PAQR9: variants seen among roughly 807,000 people sequenced by gnomAD.
PAQR9 encodes the protein progestin and adipoQ receptor family member 9.
A neutral mutation model predicts 24.0 loss-of-function variants in PAQR9; 12 were observed. The observed-to-expected ratio is 0.50, with a 90% confidence interval of 0.32 to 0.81. The LOEUF (loss-of-function observed/expected upper bound fraction) is 0.81, where lower values mean the gene tolerates loss of function less well. PAQR9 is among the 30% of genes least tolerant of loss of function. The pLI is 0.03. For synonymous variants in PAQR9, 266 were observed against 237.6 expected, an observed-to-expected ratio of 1.12 and a Z score of -1.10; for missense variants, 418 against 520.8, an observed-to-expected ratio of 0.80 and a Z score of 1.92.
Position 142,961,737 on chromosome 3 carries a change from C to A in PAQR9, c.*466G>T. The stretch of plus-strand genomic sequence containing the variant: ...GGGTTTGCGTCTTTGTGCCTGTTTC[C>A]TACAAAGCTCCATTCTTTTGACAAA... On this transcript the variant is annotated 3_prime_UTR_variant, in exon 1 of 1. Transcript: ENST00000340634. 6.2e-6 allele frequency: 1 copy of A among 161,790 alleles called. No homozygotes were observed. The highest frequency in any genetic ancestry group is 5.7e-5 in the Admixed American group (1 of 17,470). The allele number at this position is 161,790 out of a possible 1,614,324, so 10.0% of individuals were successfully genotyped here.
At chr3:142,963,774 G>A (rs1051049280), upstream of PAQR9, 12 of 970,336 alleles carry the variant, frequency 1.2e-5, no homozygotes, top group Admixed American at 2.5e-4. Flanking sequence ...GCGCACCGAG[G>A]AAGGGCGGGG....
downstream of PAQR9, chr3:142,952,656 G>A (rs1047488161): frequency 1.9e-5 from 8 of 415,114 alleles, no homozygotes; most frequent in African/African-American, 1.6e-4. Flanking sequence ...GAGTTACTTT[G>A]TTTGGCCCCA....
chr3:142,958,485 A>G lies in PAQR9; in HGVS notation c.*3718T>C, dbSNP rs1018467234. Among the ~76,000 whole-genome samples the G allele has an allele frequency of 6.6e-6, 1 of 152,230 alleles. No individual in the cohort carries two copies. Among genetic ancestry groups the G allele is most frequent in the Non-Finnish European group, 1.5e-5 (1 of 68,036 alleles). Reference sequence around the variant, plus strand: ...ACTCCCACCATACCTGTCTCCTATTATAGCTTTGTGCAGATTAACTAATTA... The same window carrying G: ...ACTCCCACCATACCTGTCTCCTATTGTAGCTTTGTGCAGATTAACTAATTA... On this transcript the variant is annotated 3_prime_UTR_variant, in exon 1 of 1. Coordinates refer to ENST00000340634, the MANE Select transcript of PAQR9 (RefSeq NM_198504.4).
rs943024833 is a variant in PAQR9, at chr3:142,957,103, G to A, written c.*5100C>T. On this transcript the variant is annotated 3_prime_UTR_variant, in exon 1 of 1. Transcript: ENST00000340634. Reference sequence around the variant, plus strand: ...ATGTACAATTGGCTGGTGCTATCCCGTAATGCCTTTTTGCCTCTGTCCTAA... The same window carrying A: ...ATGTACAATTGGCTGGTGCTATCCCATAATGCCTTTTTGCCTCTGTCCTAA... Among the ~76,000 whole-genome samples the A allele has an allele frequency of 2.0e-5, 3 of 152,122 alleles. No homozygotes were observed. Among genetic ancestry groups the A allele is most frequent in the South Asian group, 2.1e-4 (1 of 4,834 alleles).
downstream of PAQR9, among the ~76,000 whole-genome samples, chr3:142,954,538 T>C (rs1934763819): frequency 6.6e-6 from 1 of 152,260 alleles, no homozygotes; most frequent in Non-Finnish European, 1.5e-5. Flanking sequence ...ACCCTGTTGC[T>C]GAAAGATAAC....
Position 142,957,652 on chromosome 3 carries a change from A to G in PAQR9, c.*4551T>C, listed in dbSNP as rs528448691. On this transcript the variant is annotated 3_prime_UTR_variant, in exon 1 of 1. Coordinates refer to ENST00000340634, the MANE Select transcript of PAQR9 (RefSeq NM_198504.4). Reference sequence around the variant, plus strand: ...AGGCACTTTGGATGATCCACTCTTCATAATAGTATGAATACTATCAATCTT... The same window carrying G: ...AGGCACTTTGGATGATCCACTCTTCGTAATAGTATGAATACTATCAATCTT... Among the ~76,000 whole-genome samples the G allele has an allele frequency of 1.3e-5, 2 of 152,206 alleles. No individual in the cohort carries two copies. Among genetic ancestry groups the G allele is most frequent in the African/African-American group, 2.4e-5 (1 of 41,454 alleles).
rs1360965123 is a variant in PAQR9 at position 142,962,639 on chromosome 3, G to C, written c.698C>G (p.Thr233Ser). The C allele has an allele frequency of 6.2e-7, 1 of 1,611,800 alleles. No individual in the cohort carries two copies. Among genetic ancestry groups the C allele is most frequent in the Non-Finnish European group, 8.5e-7 (1 of 1,179,108 alleles). ...ACTVACCKSR[T>S]DWCTYPFALR... ...CGCGAACGGGTAGGTACACCAGTCGGTACGGCTCTTGCAGCAGGCCACAGT... is the reference window on the plus strand; with the variant it reads ...CGCGAACGGGTAGGTACACCAGTCGCTACGGCTCTTGCAGCAGGCCACAGT... The change falls in exon 1 of 1, where the codon ACC becomes AGC. Residue 233 changes from threonine (T) to serine (S), a missense_variant. Transcript: ENST00000340634.
rs75053037 is a variant in PAQR9, at chr3:142,957,864, T to C, written c.*4339A>G. ...ATTGCTGAGGAAGTCAGCATGTGAATAGAAATAAGATTCTATGGATTGCAC... is the reference window on the plus strand; with the variant it reads ...ATTGCTGAGGAAGTCAGCATGTGAACAGAAATAAGATTCTATGGATTGCAC... On this transcript the variant is annotated 3_prime_UTR_variant, in exon 1 of 1. Coordinates refer to ENST00000340634, the MANE Select transcript of PAQR9 (RefSeq NM_198504.4). 2.7e-3 allele frequency among the ~76,000 whole-genome samples: 411 copies of C among 152,314 alleles called. 1 individual carries two copies. Among genetic ancestry groups the C allele is most frequent in the African/African-American group, 9.5e-3 (393 of 41,576 alleles).
Position 142,963,249 on chromosome 3 carries a change from G to A in PAQR9, c.88C>T (p.His30Tyr). 2.0e-6 allele frequency: 3 copies of A among 1,534,588 alleles called. No homozygotes were observed. Among genetic ancestry groups the A allele is most frequent in the Non-Finnish European group, 2.6e-6 (3 of 1,140,818 alleles). ...PAASGAARNSHSAASRDPPAS... is the reference protein window; with the variant it reads ...PAASGAARNSYSAASRDPPAS... ...GGGGGGTCCCGGGAGGCGGCAGAGT[G>A]GGAGTTCCGGGCGGCCCCCGAAGCT... The change falls in exon 1 of 1, where the codon CAC becomes TAC. Residue 30 changes from histidine to tyrosine, a missense_variant. Physicochemically the swap from His to Tyr is moderately conservative, Grantham distance 83. Transcript: ENST00000340634.
rs1314499019 is a variant in PAQR9, at chr3:142,963,612, C to T, written c.-276G>A. 2.6e-6 allele frequency: 2 copies of T among 782,718 alleles called. No homozygotes were observed. Among genetic ancestry groups the T allele is most frequent in the Non-Finnish European group, 3.1e-6 (2 of 646,804 alleles). 48.5% of individuals were successfully genotyped at this position (782,718 alleles called of 1,614,324 possible). A position where few individuals can be genotyped will look rare whatever the true frequency, so the allele number is the denominator to read the frequency against. ...CAAGCCCCTGCTACCGGCGCGCGGC[C>T]GCCCGCGCTGCGGCAGCGGCGGCGG... On this transcript the variant is annotated 5_prime_UTR_variant, in exon 1 of 1. Transcript: ENST00000340634.
At chr3:142,950,537 A>C, downstream of PAQR9, 1 of 443,888 alleles carries the variant, frequency 2.3e-6, no homozygotes, top group Non-Finnish European at 4.5e-6. Context: ...GTCCTCAGTC[A>C]ATATTCTTTC....
At chr3:142,963,851 C>T, upstream of PAQR9, 1 of 985,298 alleles carries the variant, frequency 1.0e-6, no homozygotes, top group Non-Finnish European at 1.2e-6. Context: ...GAGTTCCGTA[C>T]CATCCCCCTC....
At chr3:142,951,817 G>A (rs753706875), downstream of PAQR9, 9 of 455,792 alleles carry the variant, frequency 2.0e-5, no homozygotes, top group African/African-American at 4.0e-5. Context: ...CTGTAAAAGA[G>A]TAGTACAAAA....
chr3:142,961,992 C>A lies in PAQR9; in HGVS notation c.*211G>T. On this transcript the variant is annotated 3_prime_UTR_variant, in exon 1 of 1. Transcript: ENST00000340634. ...GGGGCAAGAACAAGTGACTATCTCC[C>A]TCCCGCTTGACCACCCCTGCCAACC... 1 of 574,846 alleles carries A rather than the reference C, an allele frequency of 1.7e-6. No individual in the cohort carries two copies. Among genetic ancestry groups the A allele is most frequent in the South Asian group, 2.1e-5 (1 of 48,008 alleles). The allele number at this position is 574,846 out of a possible 1,614,324, so 35.6% of individuals were successfully genotyped here.
downstream of PAQR9, chr3:142,951,708 G>A: frequency 2.2e-6 from 1 of 456,596 alleles, no homozygotes; most frequent in Non-Finnish European, 4.4e-6. Context: ...GGCAGAACCA[G>A]GAAGCCACTG....
At chr3:142,950,392 G>A (rs1039611650), downstream of PAQR9, 1 of 196,684 alleles carries the variant, frequency 5.1e-6, no homozygotes, top group African/African-American at 2.3e-5. Context: ...AATTTTGGGG[G>A]GCAGCAGTTT....
exon 3 of PAQR9, chr3:142,949,282 AT>A (rs1934684354): frequency 6.6e-6 from 1 of 152,186 alleles, no homozygotes. Context: ...CTAAACTGAT[AT>A]TTATAGATCC....
Position 142,954,796 on chromosome 3 carries a change from ATTATT to A in PAQR9, c.*7402_*7406del, listed in dbSNP as rs1257291072. 6.6e-6 allele frequency among the ~76,000 whole-genome samples: 1 copy of A among 152,178 alleles called. No individual in the cohort carries two copies. The highest frequency in any genetic ancestry group is 1.5e-5 in the Non-Finnish European group (1 of 68,038). ...GCCAAAGTGATACCTATTTCTATAGATTATTTTATCACATAATGGAGAATTAAGAT... is the reference window on the plus strand; with the variant it reads ...GCCAAAGTGATACCTATTTCTATAGATTATCACATAATGGAGAATTAAGAT... On this transcript the variant is annotated 3_prime_UTR_variant, in exon 1 of 1. Transcript: ENST00000340634.
Position 142,959,202 on chromosome 3 carries a change from G to A in PAQR9, c.*3001C>T, listed in dbSNP as rs571028981. 2.6e-5 allele frequency among the ~76,000 whole-genome samples: 4 copies of A among 152,216 alleles called. No individual in the cohort carries two copies. Among genetic ancestry groups the A allele is most frequent in the African/African-American group, 9.6e-5 (4 of 41,520 alleles). On this transcript the variant is annotated 3_prime_UTR_variant, in exon 1 of 1. Transcript: ENST00000340634. ...ATAAAGTAAAACTGAATTTTAATGT[G>A]GCAAAATGGAAAGTGTGAAAAATAT...
Sources: gnomAD v4.1 joint callset for allele counts (sites outside exome capture counted in the v4.1 genomes callset) on GRCh38, gnomAD v4.1.1 for gene constraint, MANE v1.5 for transcripts, NCBI Gene and HGNC (gene_info 2026-07-23, HGNC 2026-07-21) for gene names.